Variants in PIR observed in about 807,000 individuals in gnomAD.
The protein encoded by PIR is pirin.
A neutral mutation model predicts 24.2 loss-of-function variants in PIR; 22 were observed. The observed-to-expected ratio is 0.91, with a 90% CI of 0.65 to 1.30. PIR has a LOEUF of 1.30. Ranked by LOEUF, PIR falls within the 50% of genes most tolerant of loss-of-function variation. The probability of loss-of-function intolerance (pLI) is 0.00; values close to 1 mark genes in which losing one functional copy is unlikely to be tolerated. For missense variants in PIR, 220 were observed against 220.3 expected, an observed-to-expected ratio of 1.00 and a Z score of 0.01; for synonymous variants, 80 against 79.6, an observed-to-expected ratio of 1.00 and a Z score of -0.03.
intron 2 of PIR, among the ~76,000 whole-genome samples, chrX:15,488,486 C>T (rs935988902): frequency 2.5e-4 from 28 of 110,080 alleles, no homozygotes; most frequent in African/African-American, 8.3e-4. Flanking sequence ...TAATGCAATG[C>T]TTATACATGG....
chrX:15,419,644 C>T (rs892880427), intron 6 of PIR, among the ~76,000 whole-genome samples: 3 of 111,012 alleles, frequency 2.7e-5, no homozygotes, highest in Admixed American at 9.7e-5. Flanking sequence ...GCCTGTAATC[C>T]CAGCACTTTG....
chrX:15,406,695 C>T (rs1208997209), intron 7 of PIR, among the ~76,000 whole-genome samples: 6 of 111,447 alleles, frequency 5.4e-5, no homozygotes, highest in Non-Finnish European at 1.9e-5. Flanking sequence ...GAGCCTTTTA[C>T]GGGAACCCAT....
intron 5 of PIR, among the ~76,000 whole-genome samples, chrX:15,443,396 C>T (rs1032643588): frequency 5.4e-5 from 6 of 111,615 alleles, no homozygotes; most frequent in African/African-American, 2.0e-4. Context: ...CCTGCTAACA[C>T]AACATCCACT....
intron 5 of PIR, among the ~76,000 whole-genome samples, chrX:15,451,775 T>C (rs1292308432): frequency 1.8e-5 from 2 of 112,382 alleles, no homozygotes; most frequent in African/African-American, 6.5e-5. Flanking sequence ...TTGGTTATCA[T>C]CCAACACATG....
At chrX:15,451,562 T>C (rs1310007839) in intron 5 of PIR, among the ~76,000 whole-genome samples, 1 of 111,726 alleles carries the variant, frequency 9.0e-6, no homozygotes, top group Non-Finnish European at 1.9e-5. Context: ...CTATATTGTC[T>C]ATCTTCTTAC....
chrX:15,395,664 T>A (rs936494921), intron 8 of PIR, among the ~76,000 whole-genome samples: 4 of 112,375 alleles, frequency 3.6e-5, no homozygotes, highest in African/African-American at 1.3e-4. Flanking sequence ...GTGTCCAAAG[T>A]CACAACAGCT....
chrX:15,387,138 G>C (rs1412695641), intron 9 of PIR, among the ~76,000 whole-genome samples: 2 of 92,115 alleles, frequency 2.2e-5, no homozygotes, highest in Non-Finnish European at 4.2e-5. Context: ...GCCCAGGCTG[G>C]AGTGCAGTGG....
chrX:15,397,194 TC>T (rs778447692), intron 8 of PIR, among the ~76,000 whole-genome samples: 53 of 112,388 alleles, frequency 4.7e-4, no homozygotes, highest in Non-Finnish European at 8.8e-4. Flanking sequence ...ATGTGTTGCT[TC>T]CAGATTCAAA....
At position 15,399,186 on chromosome X, in the gene PIR, C is replaced by A. The variant is rs189365150; in HGVS notation, c.611-1655G>T. Among the ~76,000 whole-genome samples the A allele has an allele frequency of 3.3e-3, 373 of 111,762 alleles. 2 individuals carry two copies. The highest frequency in any genetic ancestry group is 0.011 in the African/African-American group (344 of 30,729). ...TGTCTTGGGAGATACACCTGCATGC[C>A]CTTTTGGGATGTAAATAAGGGCATT... On this transcript the variant is annotated intron_variant, in intron 7 of 9. Coordinates refer to ENST00000380420, the MANE Select transcript of PIR (RefSeq NM_001018109.3).
intron 3 of PIR, among the ~76,000 whole-genome samples, chrX:15,473,846 C>T (rs1006858875): frequency 9.8e-5 from 11 of 112,684 alleles, no homozygotes; most frequent in Admixed American, 1.9e-4. Flanking sequence ...TGAGCCACCG[C>T]GCCCAGCCTC....
intron 5 of PIR, chrX:15,429,670 C>A (rs977099528): frequency 1.3e-4 from 14 of 111,536 alleles, no homozygotes; most frequent in Non-Finnish European, 5.6e-5. Flanking sequence ...TCCTGGCTAA[C>A]ACGGTGAAAC....
intron 5 of PIR, among the ~76,000 whole-genome samples, chrX:15,447,273 T>G (rs1481990827): frequency 1.8e-5 from 2 of 109,303 alleles, no homozygotes; most frequent in Non-Finnish European, 3.8e-5. Flanking sequence ...TTATATATGC[T>G]GATACCAGTT....
intron 5 of PIR, among the ~76,000 whole-genome samples, chrX:15,443,049 G>A (rs764298015): frequency 8.9e-6 from 1 of 111,821 alleles, no homozygotes; most frequent in African/African-American, 3.3e-5. Flanking sequence ...GAGAGAAGTC[G>A]ATGCTTGTCT....
chrX:15,394,511 C>T (rs1319833766), intron 8 of PIR, among the ~76,000 whole-genome samples: 2 of 111,671 alleles, frequency 1.8e-5, no homozygotes, highest in Non-Finnish European at 3.8e-5. Flanking sequence ...CCTTGGTCCA[C>T]TACGGGTGAG....
chrX:15,482,276 C>T (rs1280117852), intron 2 of PIR, among the ~76,000 whole-genome samples: 3 of 111,755 alleles, frequency 2.7e-5, no homozygotes, highest in Non-Finnish European at 5.6e-5. Context: ...AAGCGAGCAT[C>T]TCTACAACAG....
chrX:15,413,160 A>G (rs1268553490), intron 6 of PIR, among the ~76,000 whole-genome samples: 1 of 112,058 alleles, frequency 8.9e-6, no homozygotes, highest in Non-Finnish European at 1.9e-5. Context: ...TTTAACAAAT[A>G]TCAGTTCATT....
At position 15,409,914 on chromosome X, in the gene PIR, GT is replaced by G. The variant is rs1197954202; in HGVS notation, c.566-2365del. 5.6e-4 allele frequency among the ~76,000 whole-genome samples: 60 copies of G among 107,819 alleles called. No homozygotes were observed. In the East Asian group the frequency reaches 0.01, roughly 18 times the overall value. The allele number at this position is 107,819 out of a possible 115,157, so 93.6% of individuals were successfully genotyped here. Reference sequence around the variant, plus strand: ...TAGCAATTTGGTATCTGTGTTTTCAGTTTTTTTTTTCTTTTATGCACTATAA... The same window carrying G: ...TAGCAATTTGGTATCTGTGTTTTCAGTTTTTTTTTCTTTTATGCACTATAA... On this transcript the variant is annotated intron_variant, in intron 6 of 9. Transcript: ENST00000380420.
intron 2 of PIR, among the ~76,000 whole-genome samples, chrX:15,488,423 G>T (rs769802927): frequency 3.9e-4 from 43 of 110,825 alleles, no homozygotes; most frequent in African/African-American, 1.4e-3. Flanking sequence ...TATGTAGAGT[G>T]CAAAAATAAT....
At chrX:15,414,800 G>A (rs1924860073) in intron 6 of PIR, among the ~76,000 whole-genome samples, 1 of 110,613 alleles carries the variant, frequency 9.0e-6, no homozygotes, top group African/African-American at 3.3e-5. Flanking sequence ...GAGCCACCAT[G>A]CCCAGCCTGA....
Sources: gnomAD v4.1 joint callset for allele counts (sites outside exome capture counted in the v4.1 genomes callset) on GRCh38, gnomAD v4.1.1 for gene constraint, MANE v1.5 for transcripts, NCBI Gene and HGNC (gene_info 2026-07-23, HGNC 2026-07-21) for gene names.